LRRTM4: variants seen among roughly 807,000 people sequenced by gnomAD.
The protein encoded by LRRTM4 is leucine rich repeat transmembrane neuronal 4.
In LRRTM4, 25 loss-of-function variants were observed where a neutral mutation model predicts 47.6. The ratio of observed to expected loss-of-function variants is 0.53; its 90% CI spans 0.38 to 0.73. LRRTM4 has a LOEUF of 0.73. Among genes scored for constraint, LRRTM4 ranks in the 30% least tolerant of loss-of-function variants. The probability of loss-of-function intolerance (pLI) is 0.00; values close to 1 mark genes in which losing one functional copy is unlikely to be tolerated. For synonymous variants in LRRTM4, 311 were observed against 269.5 expected, an observed-to-expected ratio of 1.15 and a Z score of -1.51; for missense variants, 638 against 713.4, an observed-to-expected ratio of 0.89 and a Z score of 1.20.
intron 3 of LRRTM4, among the ~76,000 whole-genome samples, chr2:76,955,230 T>C (rs918824425): frequency 3.3e-5 from 5 of 151,712 alleles, no homozygotes; most frequent in African/African-American, 9.7e-5. Flanking sequence ...AATTCTGAAG[T>C]AGGAGTTAAC....
intron 3 of LRRTM4, among the ~76,000 whole-genome samples, chr2:77,369,385 G>A (rs1327827129): frequency 6.6e-6 from 1 of 151,470 alleles, no homozygotes; most frequent in Admixed American, 6.6e-5. Flanking sequence ...CCAGTGTCTG[G>A]GTGGAGTGGA....
chr2:77,029,051 A>AC (rs71879879), intron 3 of LRRTM4, among the ~76,000 whole-genome samples: 12 of 88,710 alleles, frequency 1.4e-4, no homozygotes, highest in South Asian at 4.0e-4. Context: ...ACACACACAC[A>AC]AATATATATA....
intron 3 of LRRTM4, chr2:77,009,063 A>G (rs1677772673): frequency 6.6e-6 from 1 of 152,138 alleles, no homozygotes; most frequent in Admixed American, 6.6e-5. Flanking sequence ...TTGAAATTCA[A>G]AGGCAAATGC....
intron 3 of LRRTM4, among the ~76,000 whole-genome samples, chr2:77,183,302 T>C (rs903745847): frequency 7.9e-5 from 12 of 152,158 alleles, no homozygotes; most frequent in Non-Finnish European, 1.2e-4. Flanking sequence ...AAATAAGACA[T>C]TTATGCAGCC....
chr2:77,470,785 C>T (rs1233253530), intron 3 of LRRTM4, among the ~76,000 whole-genome samples: 1 of 152,118 alleles, frequency 6.6e-6, no homozygotes, highest in East Asian at 1.9e-4. Context: ...GACAACTGCA[C>T]CTTTCCATTT....
At chr2:77,494,541 G>A (rs1003269865) in intron 3 of LRRTM4, among the ~76,000 whole-genome samples, 28 of 151,192 alleles carry the variant, frequency 1.9e-4, no homozygotes, top group Non-Finnish European at 3.5e-4. Context: ...TTCCATTCTT[G>A]CTTCTACCAC....
chr2:76,906,938 T>G (rs1307402464), intron 3 of LRRTM4, among the ~76,000 whole-genome samples: 1 of 151,528 alleles, frequency 6.6e-6, no homozygotes, highest in South Asian at 2.1e-4. Context: ...GACAGATCAA[T>G]GAGACAGAAA....
At chr2:76,956,761 A>G (rs1479865243) in intron 3 of LRRTM4, among the ~76,000 whole-genome samples, 1 of 151,398 alleles carries the variant, frequency 6.6e-6, no homozygotes, top group African/African-American at 2.4e-5. Flanking sequence ...AACAGGAGAC[A>G]TTACAAATAA....
chr2:77,387,908 A>G (rs111935034), intron 3 of LRRTM4, among the ~76,000 whole-genome samples: 2 of 152,170 alleles, frequency 1.3e-5, no homozygotes, highest in African/African-American at 4.8e-5. Context: ...ATTCCACTTC[A>G]TTGATAGTAA....
intron 3 of LRRTM4, among the ~76,000 whole-genome samples, chr2:77,483,462 T>A (rs1344922133): frequency 6.6e-6 from 1 of 152,080 alleles, no homozygotes; most frequent in Non-Finnish European, 1.5e-5. Context: ...TGCCTCAGCC[T>A]CCCAAGTAGC....
intron 3 of LRRTM4, among the ~76,000 whole-genome samples, chr2:76,805,078 G>GA (rs1213661924): frequency 6.6e-6 from 1 of 151,960 alleles, no homozygotes; most frequent in Non-Finnish European, 1.5e-5. Flanking sequence ...AAAACCTCTT[G>GA]AAAAGCTACT....
intron 3 of LRRTM4, among the ~76,000 whole-genome samples, chr2:77,070,082 T>TATGA (rs1314689985): frequency 6.6e-6 from 1 of 152,112 alleles, no homozygotes; most frequent in African/African-American, 2.4e-5. Flanking sequence ...GAAATGAGGC[T>TATGA]ATGAATGAGC....
chr2:77,120,808 TCACTGATGCATGGTATTTGTG>T (rs1671503180), intron 3 of LRRTM4, among the ~76,000 whole-genome samples: 3 of 151,872 alleles, frequency 2.0e-5, no homozygotes, highest in Non-Finnish European at 4.4e-5. Flanking sequence ...TGCATTCACT[TCACTGATGCATGGTATTTGTG>T]TCAGTGGAGG....
intron 3 of LRRTM4, among the ~76,000 whole-genome samples, chr2:77,454,866 GC>G (rs1037820758): frequency 6.6e-6 from 1 of 151,964 alleles, no homozygotes; most frequent in East Asian, 1.9e-4. Context: ...TCTAAAAGCT[GC>G]CCCCCCTTTT....
chr2:77,501,475 G>A (rs1382495581), intron 3 of LRRTM4, among the ~76,000 whole-genome samples: 1 of 150,360 alleles, frequency 6.7e-6, no homozygotes, highest in African/African-American at 2.4e-5. Context: ...TGGGGAACTA[G>A]GTAAAATGTT....
chr2:76,865,348 A>G (rs1477975549), intron 3 of LRRTM4, among the ~76,000 whole-genome samples: 1 of 152,144 alleles, frequency 6.6e-6, no homozygotes, highest in Non-Finnish European at 1.5e-5. Flanking sequence ...AGGTAGTGAA[A>G]AAGAGTCAAC....
At chr2:77,427,896 C>G (rs990896482) in intron 3 of LRRTM4, among the ~76,000 whole-genome samples, 1 of 152,204 alleles carries the variant, frequency 6.6e-6, no homozygotes, top group African/African-American at 2.4e-5. Context: ...CATTTACCAA[C>G]TGATACGGTT....
chr2:77,452,096 T>C (rs906444402), intron 3 of LRRTM4, among the ~76,000 whole-genome samples: 2 of 151,620 alleles, frequency 1.3e-5, no homozygotes, highest in African/African-American at 4.9e-5. Context: ...AGATTTCACA[T>C]TAAATGCAAT....
At chr2:76,948,041 T>C (rs1675378692) in intron 3 of LRRTM4, among the ~76,000 whole-genome samples, 1 of 151,868 alleles carries the variant, frequency 6.6e-6, no homozygotes, top group African/African-American at 2.4e-5. Flanking sequence ...AACTATTTTC[T>C]TTGTAACAGG....
Sources: allele counts gnomAD v4.1 joint callset (sites outside exome capture counted in the v4.1 genomes callset), GRCh38; gene constraint gnomAD v4.1.1; transcripts MANE v1.5; gene names NCBI Gene and HGNC (gene_info 2026-07-23, HGNC 2026-07-21).